CCDC102B: variants seen among roughly 807,000 people sequenced by gnomAD.
CCDC102B encodes coiled-coil domain-containing protein 102B.
A neutral mutation model predicts 57.4 loss-of-function variants in CCDC102B; 75 were observed. That is an observed-to-expected ratio of 1.31 (90% CI 1.08 to 1.58). The LOEUF is 1.58. Among genes scored for constraint, CCDC102B ranks in the 40% most tolerant of loss-of-function variants. The pLI is 0.00. For synonymous variants in CCDC102B, 206 were observed against 201.9 expected, an observed-to-expected ratio of 1.02 and a Z score of -0.17; for missense variants, 636 against 582.6, an observed-to-expected ratio of 1.09 and a Z score of -0.94.
chr18:69,050,816 A>T (rs1233549378), intron 7 of CCDC102B, among the ~76,000 whole-genome samples: 2 of 152,200 alleles, frequency 1.3e-5, no homozygotes, highest in East Asian at 1.9e-4. Context: ...CGATCAGGAA[A>T]AAAAAGGCTA....
intron 5 of CCDC102B, among the ~76,000 whole-genome samples, chr18:68,889,291 C>A (rs2039992887): frequency 2.6e-5 from 4 of 152,138 alleles, no homozygotes; most frequent in Admixed American, 1.3e-4. Context: ...TGGCTCCTTC[C>A]AACACGTGAA....
intron 2 of CCDC102B, among the ~76,000 whole-genome samples, chr18:68,747,822 A>G (rs1465675335): frequency 6.6e-6 from 1 of 152,152 alleles, no homozygotes. Context: ...GTTGCGATGA[A>G]CATGGGAGTT....
chr18:69,038,081 C>T lies in CCDC102B; in HGVS notation c.1435-15949C>T, dbSNP rs545047633. On this transcript the variant is annotated intron_variant, in intron 7 of 7. Coordinates refer to ENST00000360242, the MANE Select transcript of CCDC102B (RefSeq NM_024781.3). ...TGAATAATTAATAATATCACAGCCA[C>T]CTCTATCACTATTTTGTGGTATTTT... Among the ~76,000 whole-genome samples, 109 of 151,974 alleles carry T rather than the reference C, an allele frequency of 7.2e-4. 1 individual carries two copies. Among genetic ancestry groups the T allele is most frequent in the African/African-American group, 2.5e-3 (104 of 41,468 alleles).
intron 2 of CCDC102B, among the ~76,000 whole-genome samples, chr18:68,776,028 T>G (rs1017044556): frequency 1.3e-5 from 2 of 152,202 alleles, no homozygotes; most frequent in African/African-American, 4.8e-5. Flanking sequence ...TGATTATTTC[T>G]TCTCTCTGTT....
At chr18:68,831,033 CT>C (rs995205430) in intron 1 of CCDC102B, among the ~76,000 whole-genome samples, 7 of 151,918 alleles carry the variant, frequency 4.6e-5, no homozygotes, top group African/African-American at 1.7e-4. Context: ...ACACTGGTCA[CT>C]TTTTTTCTCT....
Position 68,799,781 on chromosome 18 carries a change from G to C in CCDC102B, c.-16+1600G>C, listed in dbSNP as rs189665684. Among the ~76,000 whole-genome samples, 101 of 152,280 alleles carry C rather than the reference G, an allele frequency of 6.6e-4. 1 individual carries two copies. Among genetic ancestry groups the C allele is most frequent in the African/African-American group, 2.3e-3 (96 of 41,578 alleles). The stretch of plus-strand genomic sequence containing the variant: ...AGGGTTTTGAACACAAATTAGCATA[G>C]AGCATAAAAGAATGGTGAGTAATTT... On this transcript the variant is annotated intron_variant, in intron 1 of 7. Transcript: ENST00000360242.
chr18:68,761,221 C>T lies in CCDC102B; in HGVS notation c.-67+44627C>T, dbSNP rs182744632. ...AAATTTCATGGCCTCCCACAAGTTA[C>T]GATATGTATTATTTTTATTTTCTCT... On this transcript the variant is annotated intron_variant, in intron 2 of 3. Coordinates refer to the CCDC102B transcript ENST00000578970. 1.8e-4 allele frequency among the ~76,000 whole-genome samples: 28 copies of T among 152,152 alleles called. 1 individual carries two copies. Among genetic ancestry groups the T allele is most frequent in the Admixed American group, 1.2e-3 (19 of 15,254 alleles).
intron 6 of CCDC102B, among the ~76,000 whole-genome samples, chr18:68,976,996 T>G (rs1264552106): frequency 6.6e-6 from 1 of 152,066 alleles, no homozygotes; most frequent in Non-Finnish European, 1.5e-5. Flanking sequence ...TATCGTCTTT[T>G]AAAAGGCTTT....
intron 4 of CCDC102B, among the ~76,000 whole-genome samples, chr18:68,863,764 A>G: frequency 6.6e-6 from 1 of 151,902 alleles, no homozygotes; most frequent in Non-Finnish European, 1.5e-5. Context: ...ATTTAAACTT[A>G]TTGGATGTGT....
rs541989336 is a variant in CCDC102B, at chr18:69,041,009, A to G, written c.1435-13021A>G. On this transcript the variant is annotated intron_variant, in intron 7 of 7. Coordinates refer to ENST00000360242, the MANE Select transcript of CCDC102B (RefSeq NM_024781.3). ...CCTGCCATTACTGTTGCTGTCAGAA[A>G]AAGGAGAGAAGTAGGCTAGAGTGTT... 2.0e-5 allele frequency among the ~76,000 whole-genome samples: 3 copies of G among 152,184 alleles called. No individual in the cohort carries two copies. The South Asian group carries it at 6.2e-4, about 32-fold the overall frequency.
chr18:69,038,148 C>A (rs2052343994), intron 7 of CCDC102B, among the ~76,000 whole-genome samples: 1 of 151,700 alleles, frequency 6.6e-6, no homozygotes, highest in African/African-American at 2.4e-5. Context: ...CAAGAAATGT[C>A]ATAAATTATA....
intron 2 of CCDC102B, among the ~76,000 whole-genome samples, chr18:68,731,710 A>G (rs1320219128): frequency 1.3e-5 from 2 of 149,780 alleles, no homozygotes; most frequent in Admixed American, 6.7e-5. Context: ...TGTATATAAT[A>G]TAATATATGT....
At chr18:68,866,742 T>C in intron 4 of CCDC102B, 1 of 605,432 alleles carries the variant, frequency 1.7e-6, no homozygotes, top group South Asian at 1.5e-5. Context: ...GTGGGTCTGG[T>C]ATTGCTTTGA....
intron 2 of CCDC102B, among the ~76,000 whole-genome samples, chr18:68,741,667 TCACACACACA>T (rs60407642): frequency 0.045 from 6,265 of 140,302 alleles, 187 homozygotes; most frequent in African/African-American, 0.073. Flanking sequence ...TGAAGACTGG[TCACACACACA>T]CACACACACA....
chr18:68,821,399 A>G (rs1041919211), intron 1 of CCDC102B, among the ~76,000 whole-genome samples: 3 of 151,070 alleles, frequency 2.0e-5, no homozygotes, highest in Admixed American at 6.6e-5. Flanking sequence ...TAATATCTTT[A>G]TTAATATTTT....
intron 7 of CCDC102B, among the ~76,000 whole-genome samples, chr18:69,029,397 C>T (rs2052079051): frequency 6.6e-6 from 1 of 152,158 alleles, no homozygotes; most frequent in South Asian, 2.1e-4. Flanking sequence ...TTTAATGTGG[C>T]ATTCTAAATA....
At chr18:68,819,341 A>G (rs950874582) in intron 1 of CCDC102B, among the ~76,000 whole-genome samples, 1 of 152,030 alleles carries the variant, frequency 6.6e-6, no homozygotes, top group Non-Finnish European at 1.5e-5. Flanking sequence ...TTTGTTGAAA[A>G]AGGGAAAAAT....
intron 1 of CCDC102B, among the ~76,000 whole-genome samples, chr18:68,820,790 C>T (rs565831906): frequency 6.0e-4 from 91 of 152,228 alleles, no homozygotes; most frequent in African/African-American, 2.2e-3. Context: ...CAGAAACAAG[C>T]ATGGATCTTA....
chr18:69,012,588 G>A (rs549816139), intron 7 of CCDC102B, among the ~76,000 whole-genome samples: 4 of 152,102 alleles, frequency 2.6e-5, no homozygotes, highest in Non-Finnish European at 4.4e-5. Context: ...TGCCAGCGCC[G>A]TTAGAAGCTT....
Sources: gnomAD v4.1 joint callset for allele counts (sites outside exome capture counted in the v4.1 genomes callset) on GRCh38, gnomAD v4.1.1 for gene constraint, MANE v1.5 for transcripts, NCBI Gene and HGNC (gene_info 2026-07-23, HGNC 2026-07-21) for gene names.